MAP4: variants seen among roughly 807,000 people sequenced by gnomAD.
MAP4 encodes microtubule associated protein 4.
MAP4 carries 76 observed loss-of-function variants against 170.2 expected under a neutral mutation model. The observed-to-expected ratio is 0.45, with a 90% CI of 0.37 to 0.54. MAP4 has a LOEUF of 0.54. MAP4 is among the 20% of genes least tolerant of loss of function. MAP4 has a pLI of 0.00. For missense variants in MAP4, 2,506 were observed against 2,748.0 expected, an observed-to-expected ratio of 0.91 and a Z score of 1.97; for synonymous variants, 909 against 994.5, an observed-to-expected ratio of 0.91 and a Z score of 1.62.
At chr3:47,974,748 G>T in intron 3 of MAP4, 1 of 977,164 alleles carries the variant, frequency 1.0e-6, no homozygotes, top group South Asian at 4.7e-5. Flanking sequence ...ATCTTAGATT[G>T]TTAAGAGTCC....
chr3:47,941,854 T>C (rs904363227), intron 3 of MAP4, among the ~76,000 whole-genome samples: 14 of 152,050 alleles, frequency 9.2e-5, no homozygotes, highest in African/African-American at 2.7e-4. Context: ...TTTGAAACTA[T>C]ACTTCTCAAT....
At chr3:48,032,443 A>G (rs1173137186) in intron 1 of MAP4, among the ~76,000 whole-genome samples, 3 of 151,844 alleles carry the variant, frequency 2.0e-5, no homozygotes, top group Non-Finnish European at 2.9e-5. Flanking sequence ...CGGAGGTTGC[A>G]GTTAGCCCAA....
At chr3:47,889,167 G>A (rs2098164823) in intron 10 of MAP4, among the ~76,000 whole-genome samples, 3 of 152,324 alleles carry the variant, frequency 2.0e-5, no homozygotes, top group South Asian at 4.1e-4. Flanking sequence ...ACATGTGCAG[G>A]GAGAAGCAGA....
intron 3 of MAP4, among the ~76,000 whole-genome samples, chr3:47,969,311 G>A (rs2100077073): frequency 6.6e-6 from 1 of 152,088 alleles, no homozygotes; most frequent in South Asian, 2.1e-4. Context: ...GGGAGGCTGA[G>A]GCAAGAGAAT....
chr3:47,992,242 A>G (rs2100092765), intron 2 of MAP4, among the ~76,000 whole-genome samples: 1 of 152,168 alleles, frequency 6.6e-6, no homozygotes, highest in African/African-American at 2.4e-5. Context: ...GTCTCCATTC[A>G]TAAAGAACTC....
At chr3:48,087,505 C>G (rs1030544005) in intron 1 of MAP4, among the ~76,000 whole-genome samples, 1 of 152,150 alleles carries the variant, frequency 6.6e-6, no homozygotes, top group Admixed American at 6.5e-5. Context: ...ACCCATTTCT[C>G]TGTCTACCCA....
At chr3:47,858,046 A>G (rs1348775669) in intron 17 of MAP4, among the ~76,000 whole-genome samples, 1 of 130,170 alleles carries the variant, frequency 7.7e-6, no homozygotes, top group Non-Finnish European at 1.6e-5. Context: ...TTTTTAAGAC[A>G]GAGTTTCACT....
intron 8 of MAP4, 46 bp downstream of exon 8, chr3:47,914,771 C>T (rs2100037713): frequency 6.2e-7 from 1 of 1,610,800 alleles, no homozygotes; most frequent in Non-Finnish European, 8.5e-7. Flanking sequence ...ACTACTCTAT[C>T]GCCCCTAATT....
chr3:47,905,899 TAGG>T (rs1248532084), intron 9 of MAP4, among the ~76,000 whole-genome samples: 2 of 151,632 alleles, frequency 1.3e-5, no homozygotes, highest in Non-Finnish European at 2.9e-5. Flanking sequence ...GAGGCTGAGG[TAGG>T]AGAATCGCTT....
chr3:47,866,700 G>A (rs1477953740), intron 17 of MAP4, among the ~76,000 whole-genome samples: 1 of 152,186 alleles, frequency 6.6e-6, no homozygotes, highest in Non-Finnish European at 1.5e-5. Context: ...GTTGCAGTGA[G>A]CTGAGATCAC....
chr3:47,867,778 C>T (rs1210593548), intron 16 of MAP4, among the ~76,000 whole-genome samples: 1 of 152,196 alleles, frequency 6.6e-6, no homozygotes, highest in East Asian at 1.9e-4. Context: ...GGGTGCTTCC[C>T]TTAAATCTGG....
At chr3:47,871,133 C>T (rs748506162) in intron 14 of MAP4, 28 bp from the exon 15 acceptor site, 34 of 1,608,972 alleles carry the variant, frequency 2.1e-5, no homozygotes, top group South Asian at 3.3e-5. Flanking sequence ...AGAGATAACA[C>T]GGGTTCAGGG....
At chr3:47,893,707 A>G (rs370180133) in intron 10 of MAP4, among the ~76,000 whole-genome samples, 1 of 152,148 alleles carries the variant, frequency 6.6e-6, no homozygotes, top group South Asian at 2.1e-4. Flanking sequence ...GAAATATTCT[A>G]TCAGAAATCC....
chr3:47,893,043 A>C (rs1405117073), intron 10 of MAP4, among the ~76,000 whole-genome samples: 1 of 151,920 alleles, frequency 6.6e-6, no homozygotes, highest in South Asian at 2.1e-4. Flanking sequence ...AAAAAAAAAA[A>C]ACCACACCTT....
intron 10 of MAP4, chr3:47,891,040 T>G: frequency 6.7e-7 from 1 of 1,488,432 alleles, no homozygotes; most frequent in Non-Finnish European, 8.9e-7. Context: ...GTGGGGGCTT[T>G]TCAAACAGGA....
intron 10 of MAP4, among the ~76,000 whole-genome samples, chr3:47,879,818 AT>A (rs1455491909): frequency 6.6e-6 from 1 of 152,180 alleles, no homozygotes; most frequent in Non-Finnish European, 1.5e-5. Flanking sequence ...CCCTAAATAT[AT>A]GGCAACTACT....
chr3:48,055,841 C>G (rs1156959674), intron 1 of MAP4, among the ~76,000 whole-genome samples: 1 of 137,920 alleles, frequency 7.3e-6, no homozygotes, highest in East Asian at 2.2e-4. Flanking sequence ...ACGTGGGGAG[C>G]GCCTCTGCCC....
intron 3 of MAP4, among the ~76,000 whole-genome samples, chr3:47,971,277 T>C (rs1439812114): frequency 6.6e-6 from 1 of 152,248 alleles, no homozygotes; most frequent in Non-Finnish European, 1.5e-5. Context: ...GGGCTCCACT[T>C]GTGAGTTATG....
intron 17 of MAP4, 64 bp from the exon 18 acceptor site, chr3:47,857,576 C>CTTTT: frequency 9.1e-7 from 1 of 1,100,110 alleles, no homozygotes; most frequent in Admixed American, 1.7e-5. Flanking sequence ...CAACCCCATG[C>CTTTT]TACCTTTTAA....
Sources: allele counts gnomAD v4.1 joint callset (sites outside exome capture counted in the v4.1 genomes callset), GRCh38; gene constraint gnomAD v4.1.1; transcripts MANE v1.5; gene names NCBI Gene and HGNC (gene_info 2026-07-23, HGNC 2026-07-21).